Variants in KIAA0319 observed in about 807,000 individuals in gnomAD.
KIAA0319 encodes the protein KIAA0319, also known as dyslexia-associated protein KIAA0319.
A neutral mutation model predicts 108.4 loss-of-function variants in KIAA0319; 83 were observed. The observed-to-expected ratio is 0.77, with a 90% CI of 0.64 to 0.92. KIAA0319 has a LOEUF of 0.92. Ranked by LOEUF, KIAA0319 falls within the 40% of genes least tolerant of loss-of-function variation. The probability of loss-of-function intolerance (pLI) is 0.00; values close to 1 mark genes in which losing one functional copy is unlikely to be tolerated. For missense variants in KIAA0319, 1,195 were observed against 1,322.4 expected (o/e 0.90, Z 1.49); for synonymous variants, 484 against 510.4 (o/e 0.95, Z 0.70).
In KIAA0319 at chr6:24,581,517, G is replaced by C. The variant is rs540590751; in HGVS notation, c.1192-504C>G. On this transcript the variant is annotated intron_variant, in intron 6 of 20. Transcript: ENST00000378214. ...TATATATCCTCCTAGGCCAGAAAGA[G>C]GGCATGTTTCTTGTGAGTGCTTGTA... Among the ~76,000 whole-genome samples the C allele has an allele frequency of 2.0e-5, 3 of 152,232 alleles. No individual in the cohort carries two copies. In the South Asian group the frequency reaches 6.2e-4, roughly 32 times the overall value.
At chr6:24,629,611 A>G (rs9358777) in intron 1 of KIAA0319, among the ~76,000 whole-genome samples, 106,221 of 150,950 alleles carry the variant, frequency 0.7, 37,964 homozygotes, top group East Asian at 0.87. Flanking sequence ...GTGGAATGGT[A>G]AGGCTTTCTC....
Position 24,580,980 on chromosome 6 carries a change from C to T in KIAA0319, c.1225G>A (p.Val409Ile), listed in dbSNP as rs748049494. ...SVGLYVFKVTVSSENAFGEGF... is the reference protein window; with the variant it reads ...SVGLYVFKVTISSENAFGEGF... ...TCTCCAAAGGCGTTTTCACTAGAAA[C>T]AGTGACTTTGAAGACATAAAGTCCG... The change falls in exon 7 of 21, where the codon GTT becomes ATT. Residue 409 changes from valine (V) to isoleucine (I), a missense_variant. By Grantham distance (29) the Val-to-Ile change is conservative. Transcript: ENST00000378214. The T allele has an allele frequency of 1.5e-5, 24 of 1,612,988 alleles. No homozygotes were observed. Among genetic ancestry groups the T allele is most frequent in the Non-Finnish European group, 1.9e-5 (22 of 1,179,178 alleles).
At chr6:24,588,178 A>G (rs1027438774) in intron 4 of KIAA0319, among the ~76,000 whole-genome samples, 7 of 152,224 alleles carry the variant, frequency 4.6e-5, no homozygotes, top group African/African-American at 1.4e-4. Context: ...CTCAGTAAAT[A>G]CAATGATCAC....
intron 9 of KIAA0319, 99 bp from the exon 10 acceptor site, chr6:24,576,695 G>A (rs1765589439): frequency 1.1e-6 from 1 of 946,928 alleles, no homozygotes; most frequent in Non-Finnish European, 1.7e-6. Flanking sequence ...TGAGGTGGGA[G>A]GATCGCTTGA....
Position 24,611,026 on chromosome 6 carries a change from G to T in KIAA0319, c.-105-9818C>A, listed in dbSNP as rs1397544360. Among the ~76,000 whole-genome samples the T allele has an allele frequency of 3.9e-5, 6 of 152,140 alleles. No individual in the cohort carries two copies. In the East Asian group the frequency reaches 1.2e-3, roughly 29 times the overall value. The stretch of plus-strand genomic sequence containing the variant: ...GCTAAGTGAAAGAAGCCAGAAGCCA[G>T]TCAGGAAGAACCACATATTATTTGA... On this transcript the variant is annotated intron_variant, in intron 1 of 20. Coordinates refer to ENST00000378214, the MANE Select transcript of KIAA0319 (RefSeq NM_014809.4).
chr6:24,629,388 G>A (rs947146887), intron 1 of KIAA0319, among the ~76,000 whole-genome samples: 19 of 151,398 alleles, frequency 1.3e-4, no homozygotes, highest in South Asian at 8.3e-4. Flanking sequence ...GGTGGCAGGC[G>A]CCTGCAGTCC....
intron 1 of KIAA0319, among the ~76,000 whole-genome samples, chr6:24,608,247 C>G (rs1562056835): frequency 6.6e-6 from 1 of 151,868 alleles, no homozygotes; most frequent in East Asian, 1.9e-4. Flanking sequence ...TACTGAGGAA[C>G]ACAAAAAAAC....
chr6:24,588,806 A>G (rs115399701), intron 3 of KIAA0319, 21 bp from the exon 4 acceptor site: 40,958 of 1,575,736 alleles, frequency 0.026, 691 homozygotes, highest in South Asian at 0.048. Context: ...AATTACAAGG[A>G]TAAATTGTTA....
At position 24,563,400 on chromosome 6, in the gene KIAA0319, C is replaced by A; in HGVS notation, c.2550G>T (p.Ser850=). Residue 850 remains serine (S), a synonymous_variant, in exon 16 of 21, where the codon TCG becomes TCT. Transcript: ENST00000378214. ...QLAVLLNVLD[S]DIKVQKIRAH... is the part of the protein sequence containing the mutation. The stretch of plus-strand genomic sequence containing the variant: ...CCCGAATCTTCTGGACCTTAATGTC[C>A]GAGTCCAGCACGTTCAGCAGCACAG... The A allele has an allele frequency of 6.2e-7, 1 of 1,613,682 alleles. No individual in the cohort carries two copies. The highest frequency in any genetic ancestry group is 8.5e-7 in the Non-Finnish European group (1 of 1,179,846).
At chr6:24,624,111 G>A (rs1446940545) in intron 1 of KIAA0319, among the ~76,000 whole-genome samples, 18 of 135,274 alleles carry the variant, frequency 1.3e-4, no homozygotes, top group Non-Finnish European at 2.3e-4. Flanking sequence ...TGCAGCCTCT[G>A]CCTCCTGGGT....
intron 9 of KIAA0319, 67 bp downstream of exon 9, chr6:24,578,043 C>T (rs1051007117): frequency 1.2e-4 from 181 of 1,490,238 alleles, no homozygotes; most frequent in Non-Finnish European, 1.5e-4. Flanking sequence ...GTTTTATGTG[C>T]GTTAATTTAA....
At chr6:24,630,923 G>C (rs889524484) in intron 1 of KIAA0319, among the ~76,000 whole-genome samples, 1 of 152,144 alleles carries the variant, frequency 6.6e-6, no homozygotes, top group African/African-American at 2.4e-5. Flanking sequence ...CTCAGAAAAG[G>C]GCAAGCTGCA....
chr6:24,577,805 T>C (rs557636415), intron 9 of KIAA0319, among the ~76,000 whole-genome samples: 13 of 152,320 alleles, frequency 8.5e-5, no homozygotes, highest in South Asian at 8.3e-4. Flanking sequence ...CGTTAGGAAA[T>C]TTCTTCATGG....
At chr6:24,603,997 C>G (rs531571461) in intron 1 of KIAA0319, among the ~76,000 whole-genome samples, 126 of 152,162 alleles carry the variant, frequency 8.3e-4, no homozygotes, top group African/African-American at 2.9e-3. Context: ...TGAGTTAGAC[C>G]AAGGGACAGG....
chr6:24,576,470 GT>G lies in KIAA0319; in HGVS notation c.1631del (p.Asn544ThrfsTer5). ...TCTGGTTTCCATTCAAAGTGATGGAGTTTTGGGGCAAAGTTATGGTGTGATT... is the reference window on the plus strand; with the variant it reads ...TCTGGTTTCCATTCAAAGTGATGGAGTTTGGGGCAAAGTTATGGTGTGATT... Reference protein sequence around the residue: ...GPNHTITLPQNSITLNGNQSS... With the variant: ...GPNHTITLPQXSITLNGNQSS... On this transcript the variant is annotated frameshift_variant, in exon 10 of 21. Coordinates refer to ENST00000378214, the MANE Select transcript of KIAA0319 (RefSeq NM_014809.4). LOFTEE classifies it high-confidence loss of function. The G allele has an allele frequency of 1.2e-6, 2 of 1,614,182 alleles. No individual in the cohort carries two copies. Among genetic ancestry groups the G allele is most frequent in the Non-Finnish European group, 1.7e-6 (2 of 1,180,024 alleles).
downstream of KIAA0319, among the ~76,000 whole-genome samples, chr6:24,542,138 G>GA (rs1206444217): frequency 6.6e-6 from 1 of 151,556 alleles, no homozygotes; most frequent in African/African-American, 2.4e-5. Flanking sequence ...AAGACTGTCT[G>GA]AAAAAAAATA....
chr6:24,596,278 G>C lies in KIAA0319; in HGVS notation c.396C>G (p.Asp132Glu), dbSNP rs1348993905. The change falls in exon 3 of 21, where the codon GAC (aspartate) becomes GAG (glutamate). Residue 132 changes from aspartate (D) to glutamate (E), a missense_variant. Coordinates refer to ENST00000378214, the MANE Select transcript of KIAA0319 (RefSeq NM_014809.4). Reference sequence around the variant, plus strand: ...AGTCCTTTCTGATATCCTCAGGTGAGTCCCCCCAGATCCCCGAGGGGGAGC... The same window carrying C: ...AGTCCTTTCTGATATCCTCAGGTGACTCCCCCCAGATCCCCGAGGGGGAGC... ...NRGSPSGIWG[D>E]SPEDIRKDLT... The C allele has an allele frequency of 1.5e-5, 25 of 1,614,070 alleles. No individual in the cohort carries two copies. Among genetic ancestry groups the C allele is most frequent in the Non-Finnish European group, 2.0e-5 (24 of 1,180,020 alleles).
At chr6:24,625,470 C>T (rs1286729706) in intron 1 of KIAA0319, among the ~76,000 whole-genome samples, 1 of 152,080 alleles carries the variant, frequency 6.6e-6, no homozygotes, top group Non-Finnish European at 1.5e-5. Context: ...TAGCTAACAT[C>T]ATATATAATT....
chr6:24,559,197 T>C (rs755029637), intron 16 of KIAA0319, 42 bp from the exon 17 acceptor site: 1 of 1,602,570 alleles, frequency 6.2e-7, no homozygotes, highest in Non-Finnish European at 8.5e-7. Flanking sequence ...CATGGTCAGA[T>C]GGTGACTACC....
Sources: allele counts gnomAD v4.1 joint callset (sites outside exome capture counted in the v4.1 genomes callset), GRCh38; gene constraint gnomAD v4.1.1; transcripts MANE v1.5; gene names NCBI Gene and HGNC (gene_info 2026-07-23, HGNC 2026-07-21).